Variants in CIB2 observed in about 807,000 individuals in gnomAD.
CIB2 encodes the protein calcium and integrin binding family member 2, also known as calcium and integrin-binding family member 2.
CIB2 carries 19 observed loss-of-function variants against 23.1 expected under a neutral mutation model. The observed-to-expected ratio is 0.82, with a 90% CI of 0.57 to 1.21. CIB2 has a LOEUF of 1.21. Among genes scored for constraint, CIB2 ranks in the 50% most tolerant of loss-of-function variants. The pLI, the probability that CIB2 is intolerant of heterozygous loss-of-function variation, is 0.00. For synonymous variants in CIB2, 94 were observed against 91.7 expected, an observed-to-expected ratio of 1.03 and a Z score of -0.14; for missense variants, 220 against 241.5, an observed-to-expected ratio of 0.91 and a Z score of 0.59.
chr15:78,109,757 T>C (rs1172717330), intron 3 of CIB2, among the ~76,000 whole-genome samples: 1 of 139,356 alleles, frequency 7.2e-6, no homozygotes, highest in Non-Finnish European at 1.5e-5. Flanking sequence ...CAGTGAGCCA[T>C]GATCGTCCCA....
intron 1 of CIB2, among the ~76,000 whole-genome samples, chr15:78,128,669 T>G (rs1596365331): frequency 7.1e-6 from 1 of 141,292 alleles, no homozygotes; most frequent in East Asian, 2.0e-4. Context: ...CCAGCCTGGG[T>G]GACAGGGCGA....
At chr15:78,113,089 C>T (rs1013733350) in intron 2 of CIB2, among the ~76,000 whole-genome samples, 1 of 152,202 alleles carries the variant, frequency 6.6e-6, no homozygotes, top group African/African-American at 2.4e-5. Flanking sequence ...CTTCCCCATC[C>T]TACACAGCCA....
At chr15:78,130,447 G>C (rs1329020751) in intron 1 of CIB2, among the ~76,000 whole-genome samples, 1 of 152,212 alleles carries the variant, frequency 6.6e-6, no homozygotes, top group African/African-American at 2.4e-5. Context: ...AAGGGGTTGG[G>C]CTTCATCCTG....
intron 4 of CIB2, among the ~76,000 whole-genome samples, chr15:78,108,108 G>A (rs145054272): frequency 0.011 from 1,612 of 151,352 alleles, 34 homozygotes; most frequent in African/African-American, 0.037. Context: ...GGAGGCTGAG[G>A]CAAGAGAATC....
intron 1 of CIB2, among the ~76,000 whole-genome samples, chr15:78,127,345 G>C (rs2074394767): frequency 1.3e-5 from 2 of 152,104 alleles, no homozygotes; most frequent in South Asian, 4.2e-4. Context: ...CAGTACACAG[G>C]GACACAGGGA....
chr15:78,109,761 C>T (rs1266382132), intron 3 of CIB2, among the ~76,000 whole-genome samples: 1 of 147,392 alleles, frequency 6.8e-6, no homozygotes, highest in South Asian at 2.2e-4. Flanking sequence ...GAGCCATGAT[C>T]GTCCCACTGC....
Position 78,131,141 on chromosome 15 carries a change from G to A in CIB2, c.51+24C>T. 1 of 1,573,030 alleles carries A rather than the reference G, an allele frequency of 6.4e-7. No homozygotes were observed. Among genetic ancestry groups the A allele is most frequent in the Non-Finnish European group, 8.6e-7 (1 of 1,160,794 alleles). Reference sequence around the variant, plus strand: ...GCGGCGGGGCGGCGGGGCCTGTGTTGGGGGCCGGGCGCGCCGAGCTCACCT... The same window carrying A: ...GCGGCGGGGCGGCGGGGCCTGTGTTAGGGGCCGGGCGCGCCGAGCTCACCT... On this transcript the variant is annotated intron_variant, in intron 1 of 5. Coordinates refer to ENST00000258930, the MANE Select transcript of CIB2 (RefSeq NM_006383.4). The surrounding 1 kb of genome is among the most constrained non-coding windows in gnomAD (Gnocchi z 5.8).
intron 4 of CIB2, among the ~76,000 whole-genome samples, chr15:78,107,869 T>C (rs1321967056): frequency 1.3e-5 from 2 of 152,152 alleles, no homozygotes; most frequent in East Asian, 1.9e-4. Context: ...ATAAACATGA[T>C]AACTAGAAAG....
At chr15:78,123,982 G>A (rs532269770) in intron 1 of CIB2, among the ~76,000 whole-genome samples, 2 of 152,286 alleles carry the variant, frequency 1.3e-5, no homozygotes, top group African/African-American at 4.8e-5. Context: ...CATGGTGGGG[G>A]GCTGTAGCAT....
chr15:78,113,090 T>G (rs546917133), intron 2 of CIB2, among the ~76,000 whole-genome samples: 1 of 152,326 alleles, frequency 6.6e-6, no homozygotes, highest in East Asian at 1.9e-4. Flanking sequence ...TTCCCCATCC[T>G]ACACAGCCAA....
At chr15:78,117,001 G>A (rs867535985) in intron 2 of CIB2, among the ~76,000 whole-genome samples, 1 of 150,100 alleles carries the variant, frequency 6.7e-6, no homozygotes, top group Non-Finnish European at 1.5e-5. Context: ...GGTATAAAAT[G>A]TACTAATTTT....
intron 1 of CIB2, among the ~76,000 whole-genome samples, chr15:78,124,666 C>T (rs554724659): frequency 3.9e-5 from 6 of 152,296 alleles, no homozygotes; most frequent in African/African-American, 1.4e-4. Context: ...TGTTTAGCTC[C>T]TCCGCCTTTG....
At chr15:78,124,335 G>A (rs932806352) in intron 1 of CIB2, among the ~76,000 whole-genome samples, 1 of 151,980 alleles carries the variant, frequency 6.6e-6, no homozygotes, top group African/African-American at 2.4e-5. Context: ...GGAGAAACGT[G>A]GGCAGGGGGA....
rs768133103 is a variant in CIB2, at chr15:78,105,342, G to C, written c.543-10C>G. 9 of 1,613,950 alleles carry C rather than the reference G, an allele frequency of 5.6e-6. No individual in the cohort carries two copies. In the East Asian group the frequency reaches 1.3e-4, roughly 24 times the overall value. Reference sequence around the variant, plus strand: ...CCGGATGTGGAAAGTGCTAGAAAGAGAGAAAGGGCAAGAGAGGGTGAGAGG... The same window carrying C: ...CCGGATGTGGAAAGTGCTAGAAAGACAGAAAGGGCAAGAGAGGGTGAGAGG... On this transcript the variant is annotated splice_polypyrimidine_tract_variant and intron_variant, in intron 5 of 5. Coordinates refer to ENST00000258930, the MANE Select transcript of CIB2 (RefSeq NM_006383.4).
chr15:78,126,147 C>CG (rs954796674), intron 1 of CIB2, among the ~76,000 whole-genome samples: 33 of 145,206 alleles, frequency 2.3e-4, no homozygotes, highest in African/African-American at 8.4e-4. Flanking sequence ...CCTGCCCCCC[C>CG]CCCTTTTTTT....
intron 4 of CIB2, among the ~76,000 whole-genome samples, chr15:78,108,681 T>A (rs2074107267): frequency 6.6e-6 from 1 of 152,154 alleles, no homozygotes; most frequent in Non-Finnish European, 1.5e-5. Flanking sequence ...ATTTTACACC[T>A]CAAAGCTGCT....
At chr15:78,110,708 C>T (rs2074145224) in intron 3 of CIB2, 1 of 456,254 alleles carries the variant, frequency 2.2e-6, no homozygotes, top group Non-Finnish European at 4.4e-6. Flanking sequence ...ATGTACTGAG[C>T]CTGAATTGGC....
At position 78,131,068 on chromosome 15, in the gene CIB2, A is replaced by C. The variant is rs2074447540; in HGVS notation, c.51+97T>G. 2.7e-6 allele frequency: 3 copies of C among 1,098,736 alleles called. No homozygotes were observed. The highest frequency in any genetic ancestry group is 2.9e-5 in the South Asian group (2 of 68,854). 68.1% of individuals were successfully genotyped at this position (1,098,736 alleles called of 1,614,324 possible). ...GGCAGAGGCAGGGTTTGAACCTGGG[A>C]GAGCTGGCTCTCGGGAGGCCTCGGC... is the stretch of plus-strand genomic sequence containing the variant. On this transcript the variant is annotated intron_variant, in intron 1 of 5. Coordinates refer to ENST00000258930, the MANE Select transcript of CIB2 (RefSeq NM_006383.4). This position sits in a 1 kb window ranked among gnomAD's most constrained non-coding sequence, Gnocchi z 5.8.
intron 2 of CIB2, among the ~76,000 whole-genome samples, chr15:78,122,400 G>A (rs890975485): frequency 6.6e-6 from 1 of 152,188 alleles, no homozygotes; most frequent in Admixed American, 6.5e-5. Context: ...TACAAAGGTA[G>A]GGAACCCGAA....
Sources: gnomAD v4.1 joint callset for allele counts (sites outside exome capture counted in the v4.1 genomes callset) on GRCh38, gnomAD v4.1.1 for gene constraint, Gnocchi (gnomAD v3.1) non-coding constraint, MANE v1.5 for transcripts, NCBI Gene and HGNC (gene_info 2026-07-23, HGNC 2026-07-21) for gene names.